The following PPM1H variants were observed in gnomAD, a reference collection of about 807,000 sequenced individuals.
The protein encoded by PPM1H is protein phosphatase 1H.
PPM1H carries 27 observed loss-of-function variants against 54.9 expected under a neutral mutation model. The observed-to-expected ratio is 0.49, with a 90% confidence interval of 0.36 to 0.68. The LOEUF (loss-of-function observed/expected upper bound fraction) is 0.68, where lower values mean the gene tolerates loss of function less well. Ranked by LOEUF, PPM1H falls within the 30% of genes least tolerant of loss-of-function variation. The probability of loss-of-function intolerance (pLI) is 0.00; values close to 1 mark genes in which losing one functional copy is unlikely to be tolerated. For missense variants in PPM1H, 596 were observed against 667.8 expected (o/e 0.89, Z 1.19); for synonymous variants, 305 against 270.8 (o/e 1.13, Z -1.24).
Position 62,844,307 on chromosome 12 carries a change from G to A in PPM1H, c.246-12028C>T, listed in dbSNP as rs2120904069. 6.6e-6 allele frequency among the ~76,000 whole-genome samples: 1 copy of A among 152,252 alleles called. No homozygotes were observed. The highest frequency in any genetic ancestry group is 2.1e-4 in the South Asian group (1 of 4,820). ...AACATTACAGTGATTTGCTTAGTAT[G>A]GATTACTACATTCCAAGGAAGATTG... On this transcript the variant is annotated intron_variant, in intron 1 of 9. Transcript: ENST00000228705. The surrounding 1 kb of genome is among the most constrained non-coding windows in gnomAD (Gnocchi z 5.2).
chr12:62,892,944 C>A (rs1174110859), intron 1 of PPM1H, among the ~76,000 whole-genome samples: 1 of 152,166 alleles, frequency 6.6e-6, no homozygotes, highest in Non-Finnish European at 1.5e-5. Flanking sequence ...AAGTCCTGGT[C>A]CCTCACTTGT....
chr12:62,798,682 A>G (rs641562), intron 3 of PPM1H, among the ~76,000 whole-genome samples: 32,316 of 152,044 alleles, frequency 0.21, 4,625 homozygotes, highest in African/African-American at 0.41. Context: ...CCACAGGGGC[A>G]CTCCAGCCTT....
chr12:62,671,716 G>A (rs1159989746), intron 8 of PPM1H, among the ~76,000 whole-genome samples: 2 of 152,172 alleles, frequency 1.3e-5, no homozygotes, highest in Admixed American at 6.5e-5. Flanking sequence ...AATTTCCCAT[G>A]GGTCCCTTCT....
intron 9 of PPM1H, among the ~76,000 whole-genome samples, chr12:62,652,735 T>C (rs1267792455): frequency 2.6e-5 from 4 of 152,204 alleles, no homozygotes; most frequent in African/African-American, 9.7e-5. Flanking sequence ...TCTTTCATTT[T>C]CCATGTTACT....
chr12:62,814,079 G>T (rs1037308642), intron 2 of PPM1H, among the ~76,000 whole-genome samples: 1 of 151,898 alleles, frequency 6.6e-6, no homozygotes, highest in African/African-American at 2.4e-5. Context: ...AACACATTGG[G>T]GGTGCATTTT....
chr12:62,732,749 T>C (rs915699826), intron 5 of PPM1H, among the ~76,000 whole-genome samples: 1 of 151,996 alleles, frequency 6.6e-6, no homozygotes, highest in African/African-American at 2.4e-5. Flanking sequence ...TTTTTTTGTA[T>C]TTTTAGTAGG....
chr12:62,793,514 C>A (rs1273577109), intron 3 of PPM1H, among the ~76,000 whole-genome samples: 1 of 151,924 alleles, frequency 6.6e-6, no homozygotes, highest in Non-Finnish European at 1.5e-5. Flanking sequence ...CACCTGAGGT[C>A]GGGCAGTGGA....
At chr12:62,882,890 T>C (rs912746247) in intron 1 of PPM1H, among the ~76,000 whole-genome samples, 4 of 152,170 alleles carry the variant, frequency 2.6e-5, no homozygotes, top group Non-Finnish European at 5.9e-5. Context: ...CAGCTGCTTC[T>C]GCTTGGTATG....
Position 62,752,065 on chromosome 12 carries a change from G to T in PPM1H, c.870-14479C>A, listed in dbSNP as rs115344618. Among the ~76,000 whole-genome samples the T allele has an allele frequency of 7.8e-3, 1,190 of 152,302 alleles. 18 individuals carry two copies. The highest frequency in any genetic ancestry group is 0.027 in the African/African-American group (1,129 of 41,550). ...GTTGGGTTTGGGAGCTGGCTGTGGT[G>T]AAATGAAAAGTAATCAAAGTTTGCA... On this transcript the variant is annotated intron_variant, in intron 4 of 9. Coordinates refer to ENST00000228705, the MANE Select transcript of PPM1H (RefSeq NM_020700.2).
chr12:62,698,677 T>A (rs163689), intron 6 of PPM1H, among the ~76,000 whole-genome samples: 8,742 of 152,144 alleles, frequency 0.057, 683 homozygotes, highest in African/African-American at 0.17. Context: ...TTGCATTTTT[T>A]AAAAATTAAC....
At chr12:62,907,899 A>G (rs936093802) in intron 1 of PPM1H, among the ~76,000 whole-genome samples, 4 of 152,196 alleles carry the variant, frequency 2.6e-5, no homozygotes, top group Non-Finnish European at 5.9e-5. Flanking sequence ...CTCTCTCTAC[A>G]TTCAGAACAG....
intron 1 of PPM1H, among the ~76,000 whole-genome samples, chr12:62,866,869 C>T (rs377418045): frequency 1.3e-5 from 2 of 151,910 alleles, no homozygotes; most frequent in South Asian, 2.1e-4. Context: ...GAGTCCATGA[C>T]GCTCATCCCT....
At chr12:62,787,202 G>A (rs548162740) in intron 4 of PPM1H, among the ~76,000 whole-genome samples, 1 of 152,246 alleles carries the variant, frequency 6.6e-6, no homozygotes, top group South Asian at 2.1e-4. Flanking sequence ...AGCAACTTAA[G>A]CTGGAGACAG....
intron 2 of PPM1H, among the ~76,000 whole-genome samples, chr12:62,805,063 T>C (rs1028839681): frequency 6.6e-6 from 1 of 152,196 alleles, no homozygotes; most frequent in African/African-American, 2.4e-5. Context: ...AGGATCTGAA[T>C]AGACATTTCT....
intron 2 of PPM1H, among the ~76,000 whole-genome samples, chr12:62,804,220 G>A (rs1309381933): frequency 6.6e-6 from 1 of 152,182 alleles, no homozygotes; most frequent in Non-Finnish European, 1.5e-5. Flanking sequence ...TGGGCACAGT[G>A]GCTCACGCCT....
intron 4 of PPM1H, among the ~76,000 whole-genome samples, chr12:62,742,783 C>T (rs536969500): frequency 1.4e-4 from 22 of 152,240 alleles, no homozygotes; most frequent in African/African-American, 3.9e-4. Context: ...AGAGGTTAAA[C>T]GAGAAAGTTG....
At position 62,834,132 on chromosome 12, in the gene PPM1H, T is replaced by C. The variant is rs571560839; in HGVS notation, c.246-1853A>G. ...GTATTTCCTAAGATTTGTCTTTAAG[T>C]GGACTGTTGCTTACAAAGTTTGACA... On this transcript the variant is annotated intron_variant, in intron 1 of 9. Coordinates refer to ENST00000228705, the MANE Select transcript of PPM1H (RefSeq NM_020700.2). 9.2e-5 allele frequency among the ~76,000 whole-genome samples: 14 copies of C among 152,316 alleles called. No homozygotes were observed. In the South Asian group the frequency reaches 2.1e-3, roughly 23 times the overall value.
intron 2 of PPM1H, among the ~76,000 whole-genome samples, chr12:62,813,667 G>T (rs949656520): frequency 7.9e-5 from 12 of 152,150 alleles, no homozygotes; most frequent in African/African-American, 2.9e-4. Context: ...ATATTCCCAG[G>T]AATGACAATC....
chr12:62,845,364 T>C (rs542058849), intron 1 of PPM1H, among the ~76,000 whole-genome samples: 1 of 152,362 alleles, frequency 6.6e-6, no homozygotes, highest in African/African-American at 2.4e-5. Context: ...CTGTTGAGCC[T>C]ATACCTCCAT....
Sources: gnomAD v4.1 joint callset for allele counts (sites outside exome capture counted in the v4.1 genomes callset) on GRCh38, gnomAD v4.1.1 for gene constraint, Gnocchi (gnomAD v3.1) non-coding constraint, MANE v1.5 for transcripts, NCBI Gene and HGNC (gene_info 2026-07-23, HGNC 2026-07-21) for gene names.